The following ACO2 variants were observed in gnomAD, a reference collection of about 807,000 sequenced individuals.
ACO2 encodes the protein aconitase 2.
ACO2 carries 31 observed loss-of-function variants against 84.5 expected under a neutral mutation model. The observed-to-expected ratio is 0.37, with a 90% CI of 0.28 to 0.50. The LOEUF is 0.50. Among genes scored for constraint, ACO2 ranks in the 20% least tolerant of loss-of-function variants. The pLI is 0.97. For missense variants in ACO2, 685 were observed against 1,029.3 expected (o/e 0.67, Z 4.58); for synonymous variants, 414 against 412.7 (o/e 1.00, Z -0.04).
rs760581560 is a variant in ACO2 at position 41,523,246 on chromosome 22, T to C, written c.1338T>C (p.Asn446=). 6.2e-7 allele frequency: 1 copy of C among 1,612,764 alleles called. No homozygotes were observed. The highest frequency in any genetic ancestry group is 1.7e-5 in the Admixed American group (1 of 59,788). Residue 446 remains asparagine, a synonymous_variant, in exon 11 of 18, where the codon AAT becomes AAC. Coordinates refer to ENST00000216254, the MANE Select transcript of ACO2 (RefSeq NM_001098.3). ...LRDLGGIVLA[N]ACGPCIGQWD... is the part of the protein sequence containing the mutation. ...ATCTGGGTGGCATTGTCCTGGCCAA[T>C]GCTTGTGGCCCCTGCATTGGCCAGT...
rs1272981182 is a variant in ACO2, at chr22:41,526,451, A to T, written c.1951A>T (p.Lys651Ter). ...GPVPDTARYY[K>*]KHGIRWVVIG... ...CGTCCCTGACACTGCCCGCTACTAC[A>T]AGGTGGGTCAGAGTTGATAGGGGCA... Residue 651 changes from lysine (K) to a stop codon, truncating the protein, a stop_gained and splice_region_variant, in exon 15 of 18, where the codon AAG (lysine) becomes TAG (stop). Transcript: ENST00000216254. LOFTEE classifies it high-confidence loss of function. 6.2e-7 allele frequency: 1 copy of T among 1,610,998 alleles called. No homozygotes were observed. Among genetic ancestry groups the T allele is most frequent in the South Asian group, 1.1e-5 (1 of 90,882 alleles).
In ACO2 at chr22:41,527,997, G is replaced by C; in HGVS notation, c.2183G>C (p.Gly728Ala). ...CCTGTGGACAAGCTGACCATTCAGG[G>C]CCTGAAGGACTTCACCCCTGGCAAG... ...IHPVDKLTIQ[G>A]LKDFTPGKPL... Residue 728 changes from glycine to alanine, a missense_variant, in exon 17 of 18, where the codon GGC becomes GCC. Physicochemically the swap from Gly to Ala is moderately conservative, Grantham distance 60. Transcript: ENST00000216254. The C allele has an allele frequency of 6.2e-7, 1 of 1,614,176 alleles. No individual in the cohort carries two copies. Among genetic ancestry groups the C allele is most frequent in the South Asian group, 1.1e-5 (1 of 91,088 alleles).
At chr22:41,508,753 C>G (rs1164195525) in intron 3 of ACO2, among the ~76,000 whole-genome samples, 1 of 152,234 alleles carries the variant, frequency 6.6e-6, no homozygotes, top group Non-Finnish European at 1.5e-5. Context: ...TCAGCCTGCT[C>G]TTGGCAACAG....
chr22:41,474,197 G>C (rs79913961), intron 1 of ACO2, among the ~76,000 whole-genome samples: 1,774 of 152,044 alleles, frequency 0.012, 38 homozygotes, highest in African/African-American at 0.041. Flanking sequence ...GCATGGGAGG[G>C]ATAGAGAATA....
chr22:41,485,411 G>A (rs960846468), intron 1 of ACO2, among the ~76,000 whole-genome samples: 1 of 150,122 alleles, frequency 6.7e-6, no homozygotes, highest in Non-Finnish European at 1.5e-5. Flanking sequence ...TGGGATTACA[G>A]CATGCGCTAC....
At chr22:41,488,631 G>A (rs759276121) in intron 1 of ACO2, among the ~76,000 whole-genome samples, 3 of 152,206 alleles carry the variant, frequency 2.0e-5, no homozygotes, top group Non-Finnish European at 2.9e-5. Context: ...TTTCACATGT[G>A]CACACATGTA....
At chr22:41,477,332 T>C (rs1208352272) in intron 1 of ACO2, among the ~76,000 whole-genome samples, 1 of 151,126 alleles carries the variant, frequency 6.6e-6, no homozygotes, top group Non-Finnish European at 1.5e-5. Flanking sequence ...TTTTTGTATT[T>C]TTTTTTTTAG....
intron 1 of ACO2, among the ~76,000 whole-genome samples, chr22:41,488,088 G>A (rs980143234): frequency 1.3e-5 from 2 of 152,150 alleles, no homozygotes; most frequent in Non-Finnish European, 2.9e-5. Context: ...TGGCCTCACT[G>A]AATCTTGCAC....
At chr22:41,476,292 A>T (rs971127131) in intron 1 of ACO2, among the ~76,000 whole-genome samples, 8 of 151,204 alleles carry the variant, frequency 5.3e-5, no homozygotes, top group African/African-American at 1.9e-4. Flanking sequence ...CTGTAATCTC[A>T]GTTACTTTGT....
Position 41,471,773 on chromosome 22 carries a change from T to C in ACO2, c.36+2591T>C, listed in dbSNP as rs2037948926. On this transcript the variant is annotated intron_variant, in intron 1 of 17. Coordinates refer to ENST00000216254, the MANE Select transcript of ACO2 (RefSeq NM_001098.3). ...GTATGACTAATTTCACATGACTCTG[T>C]GAGATGAGGCAGGCCTATTAGCCTG... Among the ~76,000 whole-genome samples, 4 of 152,322 alleles carry C rather than the reference T, an allele frequency of 2.6e-5. No individual in the cohort carries two copies. The South Asian group carries it at 6.2e-4, about 24-fold the overall frequency.
intron 6 of ACO2, 126 bp from the exon 7 acceptor site, chr22:41,517,401 A>T: frequency 1.3e-6 from 1 of 774,644 alleles, no homozygotes; most frequent in Non-Finnish European, 2.2e-6. Flanking sequence ...CGCTGTCACC[A>T]CATCTCTCTG....
chr22:41,520,496 A>G (rs1034721314), intron 9 of ACO2, among the ~76,000 whole-genome samples: 1 of 152,102 alleles, frequency 6.6e-6, no homozygotes, highest in African/African-American at 2.4e-5. Flanking sequence ...ACTTGAGTCT[A>G]GGGGTTCAAG....
chr22:41,512,302 G>GT lies in ACO2; in HGVS notation c.525+342dup, dbSNP rs756677479. The GT allele has an allele frequency of 1.7e-3, 391 of 227,114 alleles. 2 individuals are homozygous for GT. The highest frequency in any genetic ancestry group is 7.9e-3 in the African/African-American group (339 of 42,770). The allele number at this position is 227,114 out of a possible 1,614,324, so 14.1% of individuals were successfully genotyped here. A position where few individuals can be genotyped will look rare whatever the true frequency, so the allele number is the denominator to read the frequency against. On this transcript the variant is annotated intron_variant, in intron 4 of 17. Transcript: ENST00000216254. ...CTCATACAGAACATGGTATTATTTT[G>GT]TTTTTTTTCACAAGTGTCACCCCTT...
At chr22:41,475,145 TA>T (rs113478534) in intron 1 of ACO2, among the ~76,000 whole-genome samples, 274 of 123,940 alleles carry the variant, frequency 2.2e-3, no homozygotes, top group Middle Eastern at 4.0e-3. Flanking sequence ...ACCTTTTTTA[TA>T]AAAAAAAAAA....
At chr22:41,511,335 C>G (rs1207122238) in intron 3 of ACO2, among the ~76,000 whole-genome samples, 1 of 152,212 alleles carries the variant, frequency 6.6e-6, no homozygotes, top group Non-Finnish European at 1.5e-5. Context: ...CCATGCCTGG[C>G]TAATTTTTGT....
intron 2 of ACO2, among the ~76,000 whole-genome samples, chr22:41,505,427 C>CAAT (rs59945427): frequency 0.15 from 21,642 of 148,700 alleles, 1,646 homozygotes; most frequent in East Asian, 0.2. Context: ...AAAATAATAA[C>CAAT]AATAATAATA....
chr22:41,486,064 C>T (rs1052943437), intron 1 of ACO2, among the ~76,000 whole-genome samples: 4 of 152,146 alleles, frequency 2.6e-5, no homozygotes, highest in Non-Finnish European at 4.4e-5. Context: ...GGAAACATCC[C>T]AGGCAGAGCT....
At chr22:41,479,003 T>C (rs566318142) in intron 1 of ACO2, among the ~76,000 whole-genome samples, 1 of 152,190 alleles carries the variant, frequency 6.6e-6, no homozygotes, top group African/African-American at 2.4e-5. Context: ...GCAGGGCATC[T>C]GTGGTTGTGG....
At chr22:41,494,794 C>G (rs907207743) in intron 1 of ACO2, among the ~76,000 whole-genome samples, 1 of 150,348 alleles carries the variant, frequency 6.7e-6, no homozygotes, top group African/African-American at 2.5e-5. Flanking sequence ...AGTGCAATGG[C>G]GGGATCTCGG....
Sources: gnomAD v4.1 joint callset for allele counts (sites outside exome capture counted in the v4.1 genomes callset) on GRCh38, gnomAD v4.1.1 for gene constraint, MANE v1.5 for transcripts, NCBI Gene and HGNC (gene_info 2026-07-23, HGNC 2026-07-21) for gene names.